ETV6: variants seen among roughly 807,000 people sequenced by gnomAD.
ETV6 encodes transcription factor ETV6.
In ETV6, 16 loss-of-function variants were observed where a neutral mutation model predicts 51.1. The ratio of observed to expected loss-of-function variants is 0.31; its 90% CI spans 0.21 to 0.48. The LOEUF (loss-of-function observed/expected upper bound fraction) is 0.48, where lower values mean the gene tolerates loss of function less well. Ranked by LOEUF, ETV6 falls within the 20% of genes least tolerant of loss-of-function variation. ETV6 has a pLI of 0.99. For synonymous variants in ETV6, 240 were observed against 224.1 expected, an observed-to-expected ratio of 1.07 and a Z score of -0.64; for missense variants, 458 against 594.8, an observed-to-expected ratio of 0.77 and a Z score of 2.39.
At chr12:11,698,118 T>G (rs1864912151) in intron 1 of ETV6, among the ~76,000 whole-genome samples, 1 of 152,256 alleles carries the variant, frequency 6.6e-6, no homozygotes, top group Admixed American at 6.5e-5. Context: ...CTGACTCTTC[T>G]AAGTATCTGT....
Position 11,730,554 on chromosome 12 carries a change from G to T in ETV6, c.34-21896G>T, listed in dbSNP as rs574942091. On this transcript the variant is annotated intron_variant, in intron 1 of 7. Coordinates refer to ENST00000396373, the MANE Select transcript of ETV6 (RefSeq NM_001987.5). ...CCAGCGCAGCCCAGCAGAGAACCTA[G>T]GTCCATAACTGTGGACTCTCCTGTG... Among the ~76,000 whole-genome samples the T allele has an allele frequency of 7.2e-5, 11 of 152,346 alleles. 1 individual carries two copies. The South Asian group carries it at 1.5e-3, about 20-fold the overall frequency.
At chr12:11,836,286 G>T (rs752502067) in intron 2 of ETV6, among the ~76,000 whole-genome samples, 11 of 152,196 alleles carry the variant, frequency 7.2e-5, no homozygotes, top group Non-Finnish European at 1.2e-4. Context: ...CCTCTTTCCA[G>T]CTCGGTGAAC....
intron 7 of ETV6, 126 bp from the exon 8 acceptor site, chr12:11,890,815 C>T (rs746299922): frequency 4.0e-6 from 3 of 759,256 alleles, no homozygotes; most frequent in South Asian, 1.5e-5. Context: ...ACATTAATCT[C>T]GGGGTTCAGT....
rs1292560570 is a variant in ETV6 at position 11,813,653 on chromosome 12, C to T, written c.164-25487C>T. 2.1e-5 allele frequency among the ~76,000 whole-genome samples: 3 copies of T among 139,658 alleles called. No individual in the cohort carries two copies. The East Asian group carries it at 7.3e-4, about 34-fold the overall frequency. The allele number at this position is 139,658 out of a possible 152,430, so 91.6% of individuals were successfully genotyped here. The stretch of plus-strand genomic sequence containing the variant: ...CTTCACGGCCTGCCCTTTCCTGATT[C>T]TTCAGAACTGACAACTATAAATCCA... On this transcript the variant is annotated intron_variant, in intron 2 of 7. Coordinates refer to ENST00000396373, the MANE Select transcript of ETV6 (RefSeq NM_001987.5).
At chr12:11,658,297 G>A (rs964091566) in intron 1 of ETV6, among the ~76,000 whole-genome samples, 1 of 152,126 alleles carries the variant, frequency 6.6e-6, no homozygotes, top group African/African-American at 2.4e-5. Context: ...GTGCAATGCC[G>A]AGATCTCAGC....
At chr12:11,837,588 G>T (rs963072838) in intron 2 of ETV6, among the ~76,000 whole-genome samples, 11 of 152,202 alleles carry the variant, frequency 7.2e-5, no homozygotes, top group Admixed American at 4.6e-4. Context: ...AAACCAGATT[G>T]TTCTTTGGCA....
chr12:11,808,431 GAAAAACAAAAAAC>G (rs1945862024), intron 2 of ETV6, among the ~76,000 whole-genome samples: 1 of 131,432 alleles, frequency 7.6e-6, no homozygotes, highest in South Asian at 2.3e-4. Context: ...AAAATATTCA[GAAAAACAAAAAAC>G]AAAAAAAAAA....
At chr12:11,709,001 G>A (rs145958799) in intron 1 of ETV6, among the ~76,000 whole-genome samples, 473 of 152,332 alleles carry the variant, frequency 3.1e-3, no homozygotes, top group Non-Finnish European at 5.0e-3. Flanking sequence ...AAAGAGAAAT[G>A]TCTGTTCAGG....
chr12:11,852,120 C>A (rs941371725), intron 3 of ETV6, among the ~76,000 whole-genome samples: 1 of 152,190 alleles, frequency 6.6e-6, no homozygotes, highest in South Asian at 2.1e-4. Context: ...AGATTTATCA[C>A]CCACCCCCAA....
At chr12:11,704,757 A>C (rs910053294) in intron 1 of ETV6, among the ~76,000 whole-genome samples, 2 of 152,064 alleles carry the variant, frequency 1.3e-5, no homozygotes, top group African/African-American at 4.8e-5. Flanking sequence ...TGAGGTAGGC[A>C]ACCATTCTCA....
chr12:11,662,504 T>C (rs772349682), intron 1 of ETV6, among the ~76,000 whole-genome samples: 1 of 152,250 alleles, frequency 6.6e-6, no homozygotes, highest in African/African-American at 2.4e-5. Context: ...TTAGCCATCA[T>C]GTTGAACAGT....
chr12:11,847,995 A>G (rs1295572448), intron 3 of ETV6, among the ~76,000 whole-genome samples: 1 of 152,258 alleles, frequency 6.6e-6, no homozygotes, highest in Non-Finnish European at 1.5e-5. Context: ...GGGGAAAAAA[A>G]TTCCATCCAT....
At chr12:11,730,865 G>A (rs1865582231) in intron 1 of ETV6, among the ~76,000 whole-genome samples, 1 of 152,140 alleles carries the variant, frequency 6.6e-6, no homozygotes, top group Non-Finnish European at 1.5e-5. Flanking sequence ...ATGCCTCCAG[G>A]AGACCAGAGA....
chr12:11,888,887 G>T (rs976982462), intron 7 of ETV6, among the ~76,000 whole-genome samples: 14 of 152,126 alleles, frequency 9.2e-5, no homozygotes, highest in African/African-American at 3.4e-4. Context: ...CCCTCATCTG[G>T]AATGCTTGGG....
chr12:11,851,442 C>T (rs1308364003), intron 3 of ETV6, among the ~76,000 whole-genome samples: 1 of 152,170 alleles, frequency 6.6e-6, no homozygotes, highest in East Asian at 1.9e-4. Flanking sequence ...AAATATGAAT[C>T]ATTAAAATAG....
chr12:11,737,417 T>C (rs1379026154), intron 1 of ETV6, among the ~76,000 whole-genome samples: 3 of 152,182 alleles, frequency 2.0e-5, no homozygotes, highest in Non-Finnish European at 4.4e-5. Context: ...TTGAAACAAG[T>C]GGGATTTTTG....
intron 5 of ETV6, among the ~76,000 whole-genome samples, chr12:11,876,268 A>T (rs1466691914): frequency 6.6e-6 from 1 of 152,200 alleles, no homozygotes; most frequent in Non-Finnish European, 1.5e-5. Flanking sequence ...TGCACTTTGG[A>T]TTATACAGTT....
rs182346345 is a variant in ETV6 at position 11,745,628 on chromosome 12, G to A, written c.34-6822G>A. ...GACTGCGGCCACTGTGATTTCTGGG[G>A]GCAGACTCAGCTCCTTCTTGGTGTA... On this transcript the variant is annotated intron_variant, in intron 1 of 7. Transcript: ENST00000396373. Among the ~76,000 whole-genome samples, 59 of 152,184 alleles carry A rather than the reference G, an allele frequency of 3.9e-4. 2 individuals carry two copies. The East Asian group carries it at 0.01, about 27-fold the overall frequency.
intron 2 of ETV6, chr12:11,752,897 G>T: frequency 4.4e-6 from 1 of 225,974 alleles, no homozygotes; most frequent in East Asian, 8.7e-5. Context: ...TGTGTGCAAA[G>T]TTTATCTGTA....
Sources: allele counts gnomAD v4.1 joint callset (sites outside exome capture counted in the v4.1 genomes callset), GRCh38; gene constraint gnomAD v4.1.1; transcripts MANE v1.5; gene names NCBI Gene and HGNC (gene_info 2026-07-23, HGNC 2026-07-21).